The following PRKAG2 variants were observed in gnomAD, a reference collection of about 807,000 sequenced individuals.
PRKAG2 encodes the protein protein kinase AMP-activated non-catalytic subunit gamma 2.
A neutral mutation model predicts 69.6 loss-of-function variants in PRKAG2; 26 were observed. The observed-to-expected ratio is 0.37, with a 90% CI of 0.27 to 0.52. The LOEUF is 0.52. Among genes scored for constraint, PRKAG2 ranks in the 20% least tolerant of loss-of-function variants. PRKAG2 has a pLI of 0.90. For missense variants in PRKAG2, 557 were observed against 740.0 expected (o/e 0.75, Z 2.87); for synonymous variants, 293 against 285.0 (o/e 1.03, Z -0.28).
intron 4 of PRKAG2, among the ~76,000 whole-genome samples, chr7:151,673,350 C>T (rs924700933): frequency 2.0e-5 from 3 of 152,196 alleles, no homozygotes; most frequent in African/African-American, 7.2e-5. Flanking sequence ...TAAACACTGA[C>T]AGTACTCCAG....
chr7:151,671,966 G>A (rs961712350), intron 4 of PRKAG2, among the ~76,000 whole-genome samples: 3 of 151,928 alleles, frequency 2.0e-5, no homozygotes, highest in African/African-American at 7.3e-5. Context: ...GTCTTGACCA[G>A]ATCATTCCTC....
rs886062096 is a variant in PRKAG2 at position 151,556,314 on chromosome 7, C to G, written c.*887G>C. 1 of 152,550 alleles carries G rather than the reference C, an allele frequency of 6.6e-6. No individual in the cohort carries two copies. Among genetic ancestry groups the G allele is most frequent in the African/African-American group, 2.4e-5 (1 of 41,424 alleles). The allele number at this position is 152,550 out of a possible 1,614,324, so 9.4% of individuals were successfully genotyped here. On this transcript the variant is annotated 3_prime_UTR_variant, in exon 16 of 16. Coordinates refer to ENST00000287878, the MANE Select transcript of PRKAG2 (RefSeq NM_016203.4). ...CCACAATAAAATTTACAAAAACAAT[C>G]GCATCAGCAGTCATAACAAACATCA...
chr7:151,867,182 C>T (rs917866189), intron 1 of PRKAG2, among the ~76,000 whole-genome samples: 1 of 152,210 alleles, frequency 6.6e-6, no homozygotes, highest in African/African-American at 2.4e-5. Flanking sequence ...TCAGTGCAAG[C>T]CCCTGCCCTA....
intron 1 of PRKAG2, among the ~76,000 whole-genome samples, chr7:151,822,642 G>T (rs75379928): frequency 0.11 from 17,430 of 152,168 alleles, 1,136 homozygotes; most frequent in East Asian, 0.24. Context: ...ACCTGGGGCA[G>T]CTGGCCTGTG....
intron 3 of PRKAG2, among the ~76,000 whole-genome samples, chr7:151,744,579 C>T (rs2074145531): frequency 6.6e-6 from 1 of 152,232 alleles, no homozygotes; most frequent in Non-Finnish European, 1.5e-5. Flanking sequence ...TTTGAAAAGA[C>T]CCCAAGCTTT....
intron 3 of PRKAG2, among the ~76,000 whole-genome samples, chr7:151,710,144 C>G (rs941234330): frequency 6.6e-6 from 1 of 152,180 alleles, no homozygotes; most frequent in Non-Finnish European, 1.5e-5. Flanking sequence ...GGAGCCGCCT[C>G]TCCCCTGAGC....
At chr7:151,566,689 T>C in intron 11 of PRKAG2, 1 of 382,776 alleles carries the variant, frequency 2.6e-6, no homozygotes, top group Non-Finnish European at 5.1e-6. Context: ...AATATTCAAA[T>C]CATGAGACTC....
intron 3 of PRKAG2, among the ~76,000 whole-genome samples, chr7:151,726,232 A>C (rs1312169211): frequency 6.6e-6 from 1 of 152,098 alleles, no homozygotes; most frequent in Admixed American, 6.5e-5. Flanking sequence ...GCTGAGCCTC[A>C]ACTACCAGGT....
At chr7:151,692,953 C>T (rs1457796928) in intron 3 of PRKAG2, among the ~76,000 whole-genome samples, 3 of 152,164 alleles carry the variant, frequency 2.0e-5, no homozygotes, top group Non-Finnish European at 4.4e-5. Context: ...ACTCCCTCCC[C>T]TCCTGGAGAC....
chr7:151,556,965 A>G lies in PRKAG2; in HGVS notation c.*236T>C, dbSNP rs757060066. On this transcript the variant is annotated 3_prime_UTR_variant, in exon 16 of 16. Transcript: ENST00000287878. The stretch of plus-strand genomic sequence containing the variant: ...AGGACACAGTGCACTTTAATGACAT[A>G]CAGCATTTAAAATCCTTCAGACAAA... 14 of 588,424 alleles carry G rather than the reference A, an allele frequency of 2.4e-5. No homozygotes were observed. In the Admixed American group the frequency reaches 4.0e-4, roughly 17 times the overall value. The allele number at this position is 588,424 out of a possible 1,614,324, so 36.5% of individuals were successfully genotyped here.
Position 151,850,686 on chromosome 7 carries a change from C to T in PRKAG2, c.114+25821G>A, listed in dbSNP as rs115779132. On this transcript the variant is annotated intron_variant, in intron 1 of 15. Transcript: ENST00000287878. This position sits in a 1 kb window ranked among gnomAD's most constrained non-coding sequence, Gnocchi z 4.1. Reference sequence around the variant, plus strand: ...CCAGGAACATGGCCCTTGTGCCCCACCAGCATCCACCCGCCCCACCGGCTT... The same window carrying T: ...CCAGGAACATGGCCCTTGTGCCCCATCAGCATCCACCCGCCCCACCGGCTT... Among the ~76,000 whole-genome samples the T allele has an allele frequency of 0.027, 4,157 of 152,330 alleles. 187 individuals carry two copies. The highest frequency in any genetic ancestry group is 0.093 in the African/African-American group (3,877 of 41,570).
In PRKAG2 at chr7:151,876,656, G is replaced by C; in HGVS notation, c.-36C>G. 1.9e-6 allele frequency: 3 copies of C among 1,589,042 alleles called. No homozygotes were observed. Among genetic ancestry groups the C allele is most frequent in the Non-Finnish European group, 2.6e-6 (3 of 1,166,786 alleles). On this transcript the variant is annotated 5_prime_UTR_variant, in exon 1 of 16. Transcript: ENST00000287878. ...AGAAGTTGATTCTGCGAAACTCCTC[G>C]GGGGTTCGGTCCCCTCCTTCCCTCC...
intron 1 of PRKAG2, among the ~76,000 whole-genome samples, chr7:151,847,360 T>G: frequency 6.6e-6 from 1 of 152,210 alleles, no homozygotes; most frequent in South Asian, 2.1e-4. Context: ...AGGAGCCTAC[T>G]GAGAGTGAAT....
chr7:151,807,040 A>G lies in PRKAG2; in HGVS notation c.115-20499T>C, dbSNP rs1422936651. On this transcript the variant is annotated intron_variant, in intron 1 of 15. Coordinates refer to ENST00000287878, the MANE Select transcript of PRKAG2 (RefSeq NM_016203.4). This position sits in a 1 kb window ranked among gnomAD's most constrained non-coding sequence, Gnocchi z 4.4. ...GCTGGACATGGGATACACAAAGGTA[A>G]GACATGGACCCACCCTCAAGTCTGA... 2.2e-6 allele frequency: 1 copy of G among 448,052 alleles called. No homozygotes were observed. Among genetic ancestry groups the G allele is most frequent in the African/African-American group, 2.0e-5 (1 of 49,422 alleles). 27.8% of individuals were successfully genotyped at this position (448,052 alleles called of 1,614,324 possible).
At chr7:151,783,690 G>C (rs754222103) in intron 2 of PRKAG2, among the ~76,000 whole-genome samples, 31 of 151,948 alleles carry the variant, frequency 2.0e-4, no homozygotes, top group Non-Finnish European at 3.4e-4. Context: ...GGAGGCCGAG[G>C]TGGGTGGATC....
At chr7:151,870,539 C>G (rs1057312120) in intron 1 of PRKAG2, among the ~76,000 whole-genome samples, 3 of 152,248 alleles carry the variant, frequency 2.0e-5, no homozygotes, top group Admixed American at 1.3e-4. Context: ...CTGTGCCACA[C>G]AGCATCCCCC....
chr7:151,672,095 G>A (rs1428477058), intron 4 of PRKAG2, among the ~76,000 whole-genome samples: 1 of 151,418 alleles, frequency 6.6e-6, no homozygotes, highest in African/African-American at 2.4e-5. Flanking sequence ...ACCTCTCCCG[G>A]CCACCATTTG....
At chr7:151,809,542 C>G in intron 1 of PRKAG2, 1 of 240,408 alleles carries the variant, frequency 4.2e-6, no homozygotes. Flanking sequence ...CAAACTCCCC[C>G]TCCAAGGATA....
At chr7:151,564,739 T>G (rs1401900042) in intron 13 of PRKAG2, among the ~76,000 whole-genome samples, 1 of 151,378 alleles carries the variant, frequency 6.6e-6, no homozygotes, top group Non-Finnish European at 1.5e-5. Flanking sequence ...CCAAATGGCT[T>G]CATGGGGCTC....
Sources: gnomAD v4.1 joint callset for allele counts (sites outside exome capture counted in the v4.1 genomes callset) on GRCh38, gnomAD v4.1.1 for gene constraint, Gnocchi (gnomAD v3.1) non-coding constraint, MANE v1.5 for transcripts, NCBI Gene and HGNC (gene_info 2026-07-23, HGNC 2026-07-21) for gene names.